ROBO1: variants seen among roughly 807,000 people sequenced by gnomAD.
ROBO1 encodes roundabout homolog 1.
A neutral mutation model predicts 195.9 loss-of-function variants in ROBO1; 149 were observed. The observed-to-expected ratio is 0.76, with a 90% CI of 0.67 to 0.87. ROBO1 has a LOEUF of 0.87. ROBO1 is among the 40% of genes least tolerant of loss of function. The pLI is 0.00. For missense variants in ROBO1, 1,933 were observed against 2,068.3 expected (o/e 0.93, Z 1.27); for synonymous variants, 816 against 733.2 (o/e 1.11, Z -1.82).
At chr3:79,638,759 T>C (rs1417489995) in intron 1 of ROBO1, among the ~76,000 whole-genome samples, 2 of 152,182 alleles carry the variant, frequency 1.3e-5, no homozygotes, top group Non-Finnish European at 2.9e-5. Context: ...CACTCCAATC[T>C]AAGTTGAACA....
intron 3 of ROBO1, among the ~76,000 whole-genome samples, chr3:78,992,326 G>A (rs2077257614): frequency 6.6e-6 from 1 of 152,068 alleles, no homozygotes; most frequent in Admixed American, 6.6e-5. Context: ...TGGTGCAAAG[G>A]TAGTATTTAT....
At chr3:79,169,482 C>T (rs2081130180) in intron 2 of ROBO1, among the ~76,000 whole-genome samples, 1 of 151,968 alleles carries the variant, frequency 6.6e-6, no homozygotes, top group South Asian at 2.1e-4. Flanking sequence ...CTTAATATTA[C>T]AAGGGCAGAA....
intron 2 of ROBO1, among the ~76,000 whole-genome samples, chr3:79,392,857 C>T (rs1361123655): frequency 6.6e-6 from 1 of 152,204 alleles, no homozygotes; most frequent in Non-Finnish European, 1.5e-5. Flanking sequence ...CCAAACCACT[C>T]ATTTTACAAG....
At chr3:79,328,726 C>T (rs547049120) in intron 2 of ROBO1, among the ~76,000 whole-genome samples, 57 of 152,040 alleles carry the variant, frequency 3.7e-4, no homozygotes, top group Admixed American at 5.9e-4. Flanking sequence ...ACCCACCACA[C>T]GAGCAGAGTA....
At chr3:79,387,519 T>C (rs757525329) in intron 2 of ROBO1, among the ~76,000 whole-genome samples, 21 of 151,462 alleles carry the variant, frequency 1.4e-4, no homozygotes, top group Non-Finnish European at 2.5e-4. Context: ...TATTAGCTAA[T>C]GTTAGTAAAA....
chr3:79,577,999 G>T (rs1030023968), intron 2 of ROBO1, among the ~76,000 whole-genome samples: 5 of 151,576 alleles, frequency 3.3e-5, no homozygotes, highest in African/African-American at 4.8e-5. Context: ...TGGGCAAAAA[G>T]TCTGAACAAA....
At chr3:79,128,656 A>C (rs1451236371) in intron 2 of ROBO1, among the ~76,000 whole-genome samples, 2 of 152,142 alleles carry the variant, frequency 1.3e-5, no homozygotes, top group Non-Finnish European at 2.9e-5. Flanking sequence ...CTTGAATCAT[A>C]ACATCATAGT....
intron 2 of ROBO1, among the ~76,000 whole-genome samples, chr3:79,396,809 C>G (rs2037171514): frequency 6.6e-6 from 1 of 152,082 alleles, no homozygotes; most frequent in East Asian, 1.9e-4. Context: ...TATTCCACTA[C>G]TTGAAACAGA....
At chr3:79,754,674 G>T (rs779040660) in intron 1 of ROBO1, among the ~76,000 whole-genome samples, 1 of 152,120 alleles carries the variant, frequency 6.6e-6, no homozygotes, top group Non-Finnish European at 1.5e-5. Context: ...TGCCTGGACC[G>T]CAGAAAAACA....
At chr3:79,458,673 G>C (rs1029571051) in intron 2 of ROBO1, among the ~76,000 whole-genome samples, 3 of 151,690 alleles carry the variant, frequency 2.0e-5, no homozygotes, top group African/African-American at 2.4e-5. Context: ...AACAAAGATA[G>C]AAATATTAAA....
chr3:78,662,839 GA>G (rs1049548343), intron 14 of ROBO1, among the ~76,000 whole-genome samples: 5 of 152,034 alleles, frequency 3.3e-5, no homozygotes, highest in African/African-American at 1.2e-4. Flanking sequence ...TTTCAGGAAG[GA>G]AACTAAGAAC....
At chr3:79,018,643 A>G in intron 3 of ROBO1, 1 of 1,415,936 alleles carries the variant, frequency 7.1e-7, no homozygotes, top group Non-Finnish European at 9.2e-7. Flanking sequence ...AGTATCTCAG[A>G]GACTTTTGCA....
intron 2 of ROBO1, among the ~76,000 whole-genome samples, chr3:79,392,981 T>C (rs2037011409): frequency 6.6e-6 from 1 of 152,196 alleles, no homozygotes; most frequent in Admixed American, 6.5e-5. Flanking sequence ...TTCCTTTCCC[T>C]TTGAAACATA....
chr3:79,664,217 T>G (rs2106850683), intron 1 of ROBO1, among the ~76,000 whole-genome samples: 1 of 152,184 alleles, frequency 6.6e-6, no homozygotes, highest in Non-Finnish European at 1.5e-5. Flanking sequence ...CACCTCTTAG[T>G]AGTTTTCTTT....
At chr3:79,213,566 A>G (rs1449314267) in intron 2 of ROBO1, among the ~76,000 whole-genome samples, 1 of 152,148 alleles carries the variant, frequency 6.6e-6, no homozygotes, top group East Asian at 1.9e-4. Flanking sequence ...ATAAAAATAT[A>G]CTAAAGCAAG....
chr3:79,044,972 C>T (rs1009321928), intron 3 of ROBO1, among the ~76,000 whole-genome samples: 3 of 151,820 alleles, frequency 2.0e-5, no homozygotes, highest in Admixed American at 6.6e-5. Flanking sequence ...TTATTGCACC[C>T]CTGGCTGAAA....
chr3:79,508,063 A>G (rs1039120955), intron 2 of ROBO1: 1 of 152,052 alleles, frequency 6.6e-6, no homozygotes, highest in African/African-American at 2.4e-5. Flanking sequence ...ATGAGAACAC[A>G]TGGACACAGG....
At chr3:79,303,159 GGTTTTTTT>G (rs1296536726) in intron 2 of ROBO1, among the ~76,000 whole-genome samples, 5 of 72,078 alleles carry the variant, frequency 6.9e-5, no homozygotes, top group South Asian at 5.1e-4. Context: ...ATCTCACATA[GGTTTTTTT>G]TTTTTTTTTT....
chr3:79,051,212 A>T (rs1183526622), intron 3 of ROBO1, among the ~76,000 whole-genome samples: 1 of 152,192 alleles, frequency 6.6e-6, no homozygotes, highest in Non-Finnish European at 1.5e-5. Context: ...ACAATAAAAA[A>T]TGATAAAGGG....
Sources: allele counts gnomAD v4.1 joint callset (sites outside exome capture counted in the v4.1 genomes callset), GRCh38; gene constraint gnomAD v4.1.1; transcripts MANE v1.5; gene names NCBI Gene and HGNC (gene_info 2026-07-23, HGNC 2026-07-21).